Variants in LDB2 observed in about 807,000 individuals in gnomAD.
LDB2 encodes LIM domain binding 2, also known as LIM domain-binding protein 2.
LDB2 carries 12 observed loss-of-function variants against 44.3 expected under a neutral mutation model. The observed-to-expected ratio is 0.27, with a 90% CI of 0.17 to 0.44. The LOEUF (loss-of-function observed/expected upper bound fraction) is 0.44, where lower values mean the gene tolerates loss of function less well. LDB2 is among the 20% of genes least tolerant of loss of function. LDB2 has a pLI of 1.00. For synonymous variants in LDB2, 164 were observed against 174.8 expected (o/e 0.94, Z 0.49); for missense variants, 344 against 473.5 (o/e 0.73, Z 2.54).
intron 5 of LDB2, among the ~76,000 whole-genome samples, chr4:16,576,548 C>G (rs912012673): frequency 6.6e-6 from 1 of 152,096 alleles, no homozygotes; most frequent in East Asian, 1.9e-4. Flanking sequence ...AATCCAAAAC[C>G]TGAACACCTC....
At chr4:16,716,437 G>T (rs1423564910) in intron 2 of LDB2, among the ~76,000 whole-genome samples, 1 of 152,188 alleles carries the variant, frequency 6.6e-6, no homozygotes, top group Admixed American at 6.5e-5. Context: ...TTTGTAGAAG[G>T]CTCTGAAAGC....
chr4:16,864,409 T>G (rs576792349), intron 1 of LDB2, among the ~76,000 whole-genome samples: 2 of 100,916 alleles, frequency 2.0e-5, no homozygotes, highest in Non-Finnish European at 4.0e-5. Context: ...CTCTTGGACT[T>G]TCTTCGCACA....
rs531100871 is a variant in LDB2 at position 16,737,914 on chromosome 4, C to A, written c.235+21244G>T. ...ATTTCTTCTCCAACAATTTCTATTTCTCAATGGAGGGACTTTAGAATAAGG... is the reference window on the plus strand; with the variant it reads ...ATTTCTTCTCCAACAATTTCTATTTATCAATGGAGGGACTTTAGAATAAGG... On this transcript the variant is annotated intron_variant, in intron 2 of 7. Transcript: ENST00000304523. Among the ~76,000 whole-genome samples the A allele has an allele frequency of 3.6e-4, 55 of 152,240 alleles. No individual in the cohort carries two copies. In the South Asian group the frequency reaches 5.8e-3, roughly 16 times the overall value.
chr4:16,803,207 C>T (rs112351196), intron 1 of LDB2, among the ~76,000 whole-genome samples: 9 of 152,156 alleles, frequency 5.9e-5, no homozygotes, highest in African/African-American at 1.4e-4. Flanking sequence ...TTTCTTTTAC[C>T]GCTAACCCAT....
chr4:16,776,422 T>G (rs1771917313), intron 1 of LDB2, among the ~76,000 whole-genome samples: 1 of 152,132 alleles, frequency 6.6e-6, no homozygotes, highest in Non-Finnish European at 1.5e-5. Context: ...CCAAAGGATA[T>G]AAAAGAAGAA....
Position 16,739,678 on chromosome 4 carries a change from GTGTA to G in LDB2, c.235+19476_235+19479del, listed in dbSNP as rs1561056028. Among the ~76,000 whole-genome samples, 145 of 64,176 alleles carry G rather than the reference GTGTA, an allele frequency of 2.3e-3. 42 individuals carry two copies. Among genetic ancestry groups the G allele is most frequent in the Non-Finnish European group, 3.5e-3 (116 of 33,380 alleles). The allele number at this position is 64,176 out of a possible 152,430, so 42.1% of individuals were successfully genotyped here. On this transcript the variant is annotated intron_variant, in intron 2 of 7. Transcript: ENST00000304523. Reference sequence around the variant, plus strand: ...TGTATATATGTATATATACATATGTGTGTATATATGTATATATACATATATGTGT... The same window carrying G: ...TGTATATATGTATATATACATATGTGTATATGTATATATACATATATGTGT...
At chr4:16,650,218 TA>T (rs1737884056) in intron 2 of LDB2, among the ~76,000 whole-genome samples, 1 of 152,222 alleles carries the variant, frequency 6.6e-6, no homozygotes, top group African/African-American at 2.4e-5. Flanking sequence ...TTCCCAACTG[TA>T]AAATGGAGAT....
chr4:16,853,436 C>G (rs887645327), intron 1 of LDB2, among the ~76,000 whole-genome samples: 1 of 152,176 alleles, frequency 6.6e-6, no homozygotes, highest in Admixed American at 6.5e-5. Flanking sequence ...TATGAGATAC[C>G]ACCTCACATC....
At chr4:16,804,012 C>T (rs915335541) in intron 1 of LDB2, among the ~76,000 whole-genome samples, 5 of 152,184 alleles carry the variant, frequency 3.3e-5, no homozygotes, top group African/African-American at 9.7e-5. Context: ...AATTTTATTT[C>T]ATCACTTGAT....
chr4:16,855,506 T>G (rs1300207649), intron 1 of LDB2, among the ~76,000 whole-genome samples: 1 of 152,172 alleles, frequency 6.6e-6, no homozygotes, highest in African/African-American at 2.4e-5. Context: ...CAATACCATT[T>G]TAGTTGAAAA....
At chr4:16,605,010 G>C (rs760052608) in intron 2 of LDB2, among the ~76,000 whole-genome samples, 2 of 152,172 alleles carry the variant, frequency 1.3e-5, no homozygotes, top group Non-Finnish European at 2.9e-5. Context: ...AAAAGGTTTA[G>C]TCCAGTAATT....
chr4:16,621,600 G>A (rs970391025), intron 2 of LDB2, among the ~76,000 whole-genome samples: 3 of 151,638 alleles, frequency 2.0e-5, no homozygotes, highest in East Asian at 3.9e-4. Context: ...TTACCCTGAC[G>A]AGAATGCAGA....
intron 1 of LDB2, among the ~76,000 whole-genome samples, chr4:16,851,915 G>A (rs577098372): frequency 1.8e-4 from 28 of 152,328 alleles, no homozygotes; most frequent in Admixed American, 5.9e-4. Flanking sequence ...GGACAAGTGC[G>A]TAGCAGCCAA....
At chr4:16,770,757 A>G (rs1439876016) in intron 1 of LDB2, among the ~76,000 whole-genome samples, 8 of 152,192 alleles carry the variant, frequency 5.3e-5, no homozygotes, top group Non-Finnish European at 7.3e-5. Context: ...TTCCTATTTT[A>G]TACTCAAACA....
chr4:16,716,402 T>C (rs1757085449), intron 2 of LDB2, among the ~76,000 whole-genome samples: 1 of 152,168 alleles, frequency 6.6e-6, no homozygotes, highest in Admixed American at 6.6e-5. Context: ...TAGGGAACTG[T>C]GTATTTTAAG....
intron 3 of LDB2, among the ~76,000 whole-genome samples, chr4:16,593,987 T>C (rs1234760889): frequency 6.6e-6 from 1 of 152,112 alleles, no homozygotes; most frequent in African/African-American, 2.4e-5. Flanking sequence ...ATTGAGTAAA[T>C]ATATAAAAGG....
intron 1 of LDB2, among the ~76,000 whole-genome samples, chr4:16,897,502 G>A (rs373020565): frequency 1.2e-4 from 19 of 152,256 alleles, no homozygotes; most frequent in African/African-American, 3.6e-4. Context: ...TGCAGGAGGC[G>A]AGTCTGGAGT....
intron 5 of LDB2, among the ~76,000 whole-genome samples, chr4:16,569,976 G>A (rs1165076479): frequency 6.6e-6 from 1 of 152,136 alleles, no homozygotes; most frequent in Non-Finnish European, 1.5e-5. Flanking sequence ...AGTCCATGAT[G>A]TCAAGGACAG....
intron 2 of LDB2, among the ~76,000 whole-genome samples, chr4:16,633,991 T>A (rs1164028243): frequency 6.6e-6 from 1 of 152,168 alleles, no homozygotes; most frequent in Non-Finnish European, 1.5e-5. Flanking sequence ...TTGACAAACT[T>A]GACACACACA....
Sources: allele counts gnomAD v4.1 joint callset (sites outside exome capture counted in the v4.1 genomes callset), GRCh38; gene constraint gnomAD v4.1.1; transcripts MANE v1.5; gene names NCBI Gene and HGNC (gene_info 2026-07-23, HGNC 2026-07-21).